Variants in KCNH1 observed in about 807,000 individuals in gnomAD.
KCNH1 encodes potassium voltage-gated channel subfamily H member 1.
In KCNH1, 27 loss-of-function variants were observed where a neutral mutation model predicts 69.2. The ratio of observed to expected loss-of-function variants is 0.39; its 90% CI spans 0.29 to 0.54. KCNH1 has a LOEUF of 0.54. Ranked by LOEUF, KCNH1 falls within the 20% of genes least tolerant of loss-of-function variation. The pLI, the probability that KCNH1 is intolerant of heterozygous loss-of-function variation, is 0.68. For synonymous variants in KCNH1, 456 were observed against 487.7 expected (o/e 0.93, Z 0.86); for missense variants, 798 against 1,261.6 (o/e 0.63, Z 5.57).
At chr1:211,079,131 G>A (rs1043514153) in intron 5 of KCNH1, among the ~76,000 whole-genome samples, 6 of 151,852 alleles carry the variant, frequency 4.0e-5, no homozygotes, top group Non-Finnish European at 7.4e-5. Flanking sequence ...ATGATAAAGG[G>A]GTTATCACCA....
intron 7 of KCNH1, among the ~76,000 whole-genome samples, chr1:210,824,166 C>T (rs1684990418): frequency 7.0e-6 from 1 of 141,960 alleles, no homozygotes; most frequent in East Asian, 2.1e-4. Flanking sequence ...GTGACCCCCC[C>T]TTAAATCTGG....
chr1:210,774,556 T>C (rs1434143880), intron 10 of KCNH1, among the ~76,000 whole-genome samples: 1 of 151,964 alleles, frequency 6.6e-6, no homozygotes, highest in East Asian at 1.9e-4. Context: ...GATTATGAGG[T>C]CATTTTAGGA....
intron 5 of KCNH1, among the ~76,000 whole-genome samples, chr1:211,026,658 G>A (rs1035474692): frequency 6.6e-6 from 1 of 152,172 alleles, no homozygotes; most frequent in Non-Finnish European, 1.5e-5. Flanking sequence ...GCCCAGTAAG[G>A]AGCATGGACT....
At chr1:210,715,818 G>T (rs769917329) in intron 10 of KCNH1, among the ~76,000 whole-genome samples, 2 of 152,094 alleles carry the variant, frequency 1.3e-5, no homozygotes, top group Non-Finnish European at 2.9e-5. Context: ...CAACCTCTGG[G>T]AGTGACTGGG....
intron 9 of KCNH1, among the ~76,000 whole-genome samples, chr1:210,792,884 T>TA (rs1222208096): frequency 6.6e-6 from 1 of 152,174 alleles, no homozygotes; most frequent in Non-Finnish European, 1.5e-5. Flanking sequence ...GCCCTGATGC[T>TA]AGTCCATGAC....
chr1:211,126,281 C>T (rs1031643632), intron 1 of KCNH1, among the ~76,000 whole-genome samples: 2 of 152,072 alleles, frequency 1.3e-5, no homozygotes, highest in African/African-American at 4.8e-5. Context: ...AGGCCTGAGG[C>T]GGGCGGATCA....
intron 10 of KCNH1, among the ~76,000 whole-genome samples, chr1:210,744,561 T>C (rs1045829170): frequency 2.6e-5 from 4 of 151,992 alleles, no homozygotes; most frequent in Non-Finnish European, 4.4e-5. Flanking sequence ...GGAGAATCAC[T>C]TGAACCCGGG....
chr1:210,767,677 G>C (rs1683663986), intron 10 of KCNH1, among the ~76,000 whole-genome samples: 1 of 152,174 alleles, frequency 6.6e-6, no homozygotes, highest in Non-Finnish European at 1.5e-5. Flanking sequence ...TTGCTTGCTT[G>C]AGGATGAACT....
chr1:210,709,067 A>G (rs1200023429), intron 10 of KCNH1, among the ~76,000 whole-genome samples: 1 of 152,190 alleles, frequency 6.6e-6, no homozygotes, highest in Non-Finnish European at 1.5e-5. Flanking sequence ...CCTGACCAAC[A>G]TGGTGAAACC....
At chr1:210,965,144 T>C (rs1009174031) in intron 6 of KCNH1, among the ~76,000 whole-genome samples, 1 of 152,174 alleles carries the variant, frequency 6.6e-6, no homozygotes, top group African/African-American at 2.4e-5. Context: ...TTTAATATCA[T>C]ACTGAATGGG....
At chr1:210,761,249 CAAAAAAAAAA>C (rs58988658) in intron 10 of KCNH1, among the ~76,000 whole-genome samples, 18 of 37,110 alleles carry the variant, frequency 4.9e-4, no homozygotes, top group Non-Finnish European at 5.9e-4. Flanking sequence ...GAGACTCCGT[CAAAAAAAAAA>C]AAAAAAAAAA....
chr1:210,856,983 A>T (rs891476548), intron 7 of KCNH1, among the ~76,000 whole-genome samples: 1 of 148,522 alleles, frequency 6.7e-6, no homozygotes, highest in Non-Finnish European at 1.5e-5. Context: ...TTTTAATAGC[A>T]TCATGGATAA....
chr1:211,010,131 G>A (rs564323024), intron 6 of KCNH1, among the ~76,000 whole-genome samples: 52 of 152,230 alleles, frequency 3.4e-4, no homozygotes, highest in Middle Eastern at 3.4e-3. Flanking sequence ...TCACATTCAG[G>A]GACTAGGGCA....
chr1:210,912,726 G>A (rs1486170101), intron 7 of KCNH1, among the ~76,000 whole-genome samples: 1 of 152,178 alleles, frequency 6.6e-6, no homozygotes, highest in Non-Finnish European at 1.5e-5. Flanking sequence ...TTCAGTTAAG[G>A]AACCTGCCAA....
chr1:210,873,190 A>G (rs1164223972), intron 7 of KCNH1, among the ~76,000 whole-genome samples: 3 of 152,152 alleles, frequency 2.0e-5, no homozygotes, highest in African/African-American at 4.8e-5. Flanking sequence ...TTCCCATGCA[A>G]TGGTCTTGTA....
intron 6 of KCNH1, among the ~76,000 whole-genome samples, chr1:210,962,018 T>C (rs1688304350): frequency 6.6e-6 from 1 of 152,146 alleles, no homozygotes; most frequent in South Asian, 2.1e-4. Flanking sequence ...CTTCAAGTAG[T>C]TTTTACACAG....
At chr1:210,763,640 C>G (rs1016204724) in intron 10 of KCNH1, among the ~76,000 whole-genome samples, 1 of 151,916 alleles carries the variant, frequency 6.6e-6, no homozygotes, top group Non-Finnish European at 1.5e-5. Flanking sequence ...AATAAAATAC[C>G]TAGGAATACA....
chr1:210,828,987 G>T (rs1166098118), intron 7 of KCNH1, among the ~76,000 whole-genome samples: 2 of 152,202 alleles, frequency 1.3e-5, no homozygotes, highest in East Asian at 3.9e-4. Context: ...AAGTTGAGAA[G>T]GCAGGAAAGG....
chr1:210,696,989 T>C (rs1233654390), intron 10 of KCNH1, among the ~76,000 whole-genome samples: 1 of 152,228 alleles, frequency 6.6e-6, no homozygotes, highest in African/African-American at 2.4e-5. Context: ...CTTCCAACTC[T>C]CAACCACAAG....
Sources: gnomAD v4.1 joint callset for allele counts (sites outside exome capture counted in the v4.1 genomes callset) on GRCh38, gnomAD v4.1.1 for gene constraint, MANE v1.5 for transcripts, NCBI Gene and HGNC (gene_info 2026-07-23, HGNC 2026-07-21) for gene names.